The following TMEM135 variants were observed in gnomAD, a reference collection of about 807,000 sequenced individuals.
TMEM135 encodes the protein transmembrane protein 135, also known as peroxisomal membrane protein 52.
In TMEM135, 30 loss-of-function variants were observed where a neutral mutation model predicts 60.3. That is an observed-to-expected ratio of 0.50 (90% CI 0.37 to 0.68). The LOEUF (loss-of-function observed/expected upper bound fraction) is 0.68. Among genes scored for constraint, TMEM135 ranks in the 30% least tolerant of loss-of-function variants. The probability of loss-of-function intolerance (pLI) is 0.00; values close to 1 mark genes in which losing one functional copy is unlikely to be tolerated. For missense variants in TMEM135, 468 were observed against 548.8 expected (o/e 0.85, Z 1.47); for synonymous variants, 190 against 186.7 (o/e 1.02, Z -0.14).
At chr11:87,093,244 C>T (rs1487878128) in intron 4 of TMEM135, among the ~76,000 whole-genome samples, 1 of 152,066 alleles carries the variant, frequency 6.6e-6, no homozygotes, top group Non-Finnish European at 1.5e-5. Context: ...TTTTTGGTCT[C>T]ATTGTATTGC....
At position 87,160,976 on chromosome 11, in the gene TMEM135, T is replaced by G. The variant is rs1245742229; in HGVS notation, c.462+3570T>G. Among the ~76,000 whole-genome samples, 3 of 152,182 alleles carry G rather than the reference T, an allele frequency of 2.0e-5. No individual in the cohort carries two copies. In the East Asian group the frequency reaches 5.8e-4, roughly 29 times the overall value. On this transcript the variant is annotated intron_variant, in intron 5 of 14. Coordinates refer to ENST00000305494, the MANE Select transcript of TMEM135 (RefSeq NM_022918.4). ...GTGCAGTGGTGCAATCTAGGCTCAC[T>G]GCAACCTCTGCCTCCCAGGTTCAAG...
intron 6 of TMEM135, among the ~76,000 whole-genome samples, chr11:87,289,791 C>T (rs1367787969): frequency 1.3e-5 from 2 of 152,072 alleles, no homozygotes; most frequent in Non-Finnish European, 2.9e-5. Context: ...CTACTGTTTC[C>T]AGCCTTGAGT....
rs1250012036 is a variant in TMEM135, at chr11:87,325,621, T to C, written c.*4288T>C. The C allele has an allele frequency of 3.5e-5, 16 of 453,894 alleles. No homozygotes were observed. Among genetic ancestry groups the C allele is most frequent in the Non-Finnish European group, 7.1e-5 (16 of 226,782 alleles). 28.1% of individuals were successfully genotyped at this position (453,894 alleles called of 1,614,324 possible). ...GTCTCCTTGGACTTCATTGCAACCT[T>C]TTAAGCCAGCCGTTCAAGTGAGAGG... On this transcript the variant is annotated 3_prime_UTR_variant, in exon 15 of 15. Transcript: ENST00000305494.
chr11:87,146,083 C>G (rs1308129378), intron 4 of TMEM135, among the ~76,000 whole-genome samples: 1 of 152,144 alleles, frequency 6.6e-6, no homozygotes, highest in Non-Finnish European at 1.5e-5. Context: ...AGTCTTTAAT[C>G]CATTTTTCAC....
chr11:87,248,357 G>A (rs563005102), intron 6 of TMEM135, among the ~76,000 whole-genome samples: 28 of 152,256 alleles, frequency 1.8e-4, no homozygotes, highest in East Asian at 5.8e-4. Flanking sequence ...TCTTCTCACA[G>A]CATTTGTTAT....
At chr11:87,159,666 A>G (rs1480991425) in intron 5 of TMEM135, among the ~76,000 whole-genome samples, 1 of 151,762 alleles carries the variant, frequency 6.6e-6, no homozygotes, top group Non-Finnish European at 1.5e-5. Context: ...AATGGGTGCT[A>G]TGATTCCTGA....
chr11:87,324,192 TATC>T lies in TMEM135; in HGVS notation c.*2862_*2864del. ...ACGTAATTGTTTCCTGCTTATATTT[TATC>T]ATATCCCTGAGCTTCTGTGTGCTCT... On this transcript the variant is annotated 3_prime_UTR_variant, in exon 15 of 15. Transcript: ENST00000305494. 2.2e-6 allele frequency: 1 copy of T among 454,092 alleles called. No homozygotes were observed. The highest frequency in any genetic ancestry group is 1.6e-5 in the South Asian group (1 of 64,472). 28.1% of individuals were successfully genotyped at this position (454,092 alleles called of 1,614,324 possible).
chr11:87,217,802 G>A (rs1280314742), intron 5 of TMEM135, among the ~76,000 whole-genome samples: 3 of 151,850 alleles, frequency 2.0e-5, no homozygotes, highest in African/African-American at 7.3e-5. Flanking sequence ...AAAAAAGAAG[G>A]TTGGGGTGGT....
chr11:87,216,361 T>C (rs1695368294), intron 5 of TMEM135, among the ~76,000 whole-genome samples: 1 of 152,136 alleles, frequency 6.6e-6, no homozygotes, highest in Admixed American at 6.6e-5. Context: ...AACCTTTTTT[T>C]TTTCTTTTGA....
At chr11:87,185,545 G>T (rs548742631) in intron 5 of TMEM135, among the ~76,000 whole-genome samples, 4 of 151,894 alleles carry the variant, frequency 2.6e-5, no homozygotes, top group African/African-American at 9.7e-5. Flanking sequence ...ATCATAATTG[G>T]TTTTGTGTAC....
At chr11:87,143,822 C>T (rs538306312) in intron 4 of TMEM135, among the ~76,000 whole-genome samples, 1 of 152,252 alleles carries the variant, frequency 6.6e-6, no homozygotes, top group African/African-American at 2.4e-5. Flanking sequence ...CATGTAACCA[C>T]TTTGATGTGG....
intron 6 of TMEM135, among the ~76,000 whole-genome samples, chr11:87,270,450 A>G (rs978355982): frequency 1.3e-5 from 2 of 152,180 alleles, no homozygotes; most frequent in Non-Finnish European, 2.9e-5. Context: ...AAGAAGGGGA[A>G]TGTGTTAAAA....
At chr11:87,149,385 G>A (rs1005571038) in intron 4 of TMEM135, among the ~76,000 whole-genome samples, 14 of 152,064 alleles carry the variant, frequency 9.2e-5, no homozygotes, top group South Asian at 4.1e-4. Context: ...ATTCTCAGAG[G>A]TTTATTCTTC....
chr11:87,318,548 TAAAA>T (rs202117723), intron 13 of TMEM135, among the ~76,000 whole-genome samples: 2 of 146,754 alleles, frequency 1.4e-5, no homozygotes, highest in African/African-American at 5.0e-5. Flanking sequence ...TCCCTTTGAT[TAAAA>T]AAAAAAGGAT....
At chr11:87,106,432 T>C (rs1282154053) in intron 4 of TMEM135, among the ~76,000 whole-genome samples, 3 of 152,300 alleles carry the variant, frequency 2.0e-5, no homozygotes, top group Non-Finnish European at 4.4e-5. Context: ...TGAAATATTC[T>C]TTTAATGTAT....
At chr11:87,092,024 C>T (rs1216535317) in intron 4 of TMEM135, among the ~76,000 whole-genome samples, 1 of 152,144 alleles carries the variant, frequency 6.6e-6, no homozygotes, top group East Asian at 1.9e-4. Context: ...TGATAGGCAA[C>T]ATTAAAAAAT....
At chr11:87,180,545 C>G (rs1218402223) in intron 5 of TMEM135, among the ~76,000 whole-genome samples, 1 of 151,882 alleles carries the variant, frequency 6.6e-6, no homozygotes, top group East Asian at 1.9e-4. Context: ...GCATGAAGAC[C>G]CAGACATCCC....
intron 5 of TMEM135, among the ~76,000 whole-genome samples, chr11:87,168,522 T>G (rs1396728942): frequency 1.3e-5 from 2 of 152,182 alleles, no homozygotes; most frequent in Non-Finnish European, 2.9e-5. Context: ...TCTCATTGGT[T>G]TCAAAGAACT....
chr11:87,153,957 TA>T (rs1938626353), intron 4 of TMEM135, among the ~76,000 whole-genome samples: 1 of 152,226 alleles, frequency 6.6e-6, no homozygotes, highest in Admixed American at 6.5e-5. Context: ...TAAGAATAAC[TA>T]TTTTTTTTAA....
Sources: gnomAD v4.1 joint callset for allele counts (sites outside exome capture counted in the v4.1 genomes callset) on GRCh38, gnomAD v4.1.1 for gene constraint, MANE v1.5 for transcripts, NCBI Gene and HGNC (gene_info 2026-07-23, HGNC 2026-07-21) for gene names.